DNAJC6: variants seen among roughly 807,000 people sequenced by gnomAD.
DNAJC6 encodes the protein DnaJ heat shock protein family (Hsp40) member C6.
DNAJC6 carries 34 observed loss-of-function variants against 110.0 expected under a neutral mutation model. That is an observed-to-expected ratio of 0.31 (90% CI 0.24 to 0.41). DNAJC6 has a LOEUF of 0.41. DNAJC6 is among the 10% of genes least tolerant of loss of function. The pLI, the probability that DNAJC6 is intolerant of heterozygous loss-of-function variation, is 1.00. For missense variants in DNAJC6, 1,031 were observed against 1,207.8 expected (o/e 0.85, Z 2.17); for synonymous variants, 406 against 437.2 (o/e 0.93, Z 0.89).
At chr1:65,286,699 C>G (rs1353585679) in intron 1 of DNAJC6, among the ~76,000 whole-genome samples, 1 of 152,126 alleles carries the variant, frequency 6.6e-6, no homozygotes, top group Non-Finnish European at 1.5e-5. Flanking sequence ...AATTTAAAAT[C>G]TTAAGTATAC....
chr1:65,405,845 CTTCT>C, intron 15 of DNAJC6, 21 bp from the exon 16 acceptor site: 1 of 1,562,418 alleles, frequency 6.4e-7, no homozygotes, highest in Non-Finnish European at 8.7e-7. Context: ...ATAGTTTTAC[CTTCT>C]TTATCTCTTT....
Position 65,395,041 on chromosome 1 carries a change from A to G in DNAJC6, c.2038+9A>G, listed in dbSNP as rs771024474. ...TTCGCCCACAGTACATGGTAAGGAA[A>G]TATTTTATATTGTGTTCAGTGGAAC... is the stretch of plus-strand genomic sequence containing the variant. On this transcript the variant is annotated intron_variant, in intron 13 of 18. Coordinates refer to ENST00000371069, the MANE Select transcript of DNAJC6 (RefSeq NM_001256864.2). 4 of 1,600,488 alleles carry G rather than the reference A, an allele frequency of 2.5e-6. No homozygotes were observed. The East Asian group carries it at 9.1e-5, about 36-fold the overall frequency.
At chr1:65,304,503 A>G (rs985240400) in intron 1 of DNAJC6, among the ~76,000 whole-genome samples, 1 of 152,218 alleles carries the variant, frequency 6.6e-6, no homozygotes, top group South Asian at 2.1e-4. Context: ...GTTTTCCCCT[A>G]TGGACATCAT....
chr1:65,385,878 T>G lies in DNAJC6; in HGVS notation c.967T>G (p.Ser323Ala). 2 of 1,611,042 alleles carry G rather than the reference T, an allele frequency of 1.2e-6. No individual in the cohort carries two copies. Among genetic ancestry groups the G allele is most frequent in the Non-Finnish European group, 1.7e-6 (2 of 1,177,720 alleles). ...DVLIGETKIY[S>A]TCTDFERMKE... is the part of the protein sequence containing the mutation. ...ACTCATTGGAGAAACCAAAATATAT[T>G]CGACTTGCACAGATTTTGAACGAAT... Residue 323 changes from serine to alanine, a missense_variant, in exon 7 of 19, where the codon TCG becomes GCG. Coordinates refer to ENST00000371069, the MANE Select transcript of DNAJC6 (RefSeq NM_001256864.2).
At chr1:65,387,936 G>C (rs1358946543) in intron 8 of DNAJC6, among the ~76,000 whole-genome samples, 1 of 152,166 alleles carries the variant, frequency 6.6e-6, no homozygotes, top group Non-Finnish European at 1.5e-5. Context: ...TTAGAGGGAG[G>C]ATGAGGTGTT....
chr1:65,352,625 A>G (rs554024584), intron 1 of DNAJC6, among the ~76,000 whole-genome samples: 1 of 152,222 alleles, frequency 6.6e-6, no homozygotes, highest in Admixed American at 6.5e-5. Flanking sequence ...TGTGTGTTGT[A>G]TGTAGCACAT....
At chr1:65,314,775 A>G (rs1279827488) in intron 1 of DNAJC6, among the ~76,000 whole-genome samples, 1 of 152,380 alleles carries the variant, frequency 6.6e-6, no homozygotes, top group African/African-American at 2.4e-5. Context: ...GGCGTGAGCC[A>G]CTGTGCCCAG....
chr1:65,356,029 C>A (rs1442518124), intron 1 of DNAJC6, among the ~76,000 whole-genome samples: 1 of 151,688 alleles, frequency 6.6e-6, no homozygotes, highest in Admixed American at 6.6e-5. Context: ...GACTATATAT[C>A]CAGCTAATAG....
intron 1 of DNAJC6, among the ~76,000 whole-genome samples, chr1:65,349,504 C>CTTATA (rs1645471083): frequency 6.6e-6 from 1 of 152,052 alleles, no homozygotes; most frequent in South Asian, 2.1e-4. Context: ...TCTTATAATG[C>CTTATA]AGGTCAATTA....
Position 65,296,635 on chromosome 1 carries a change from T to A in DNAJC6, c.-131+31703T>A, listed in dbSNP as rs558657656. ...CGGAGTCTAGCTCTGTCACTCAGGC[T>A]GGAGTGCAGTGGCGCGATCTTAGCT... On this transcript the variant is annotated intron_variant, in intron 1 of 19. Coordinates refer to the DNAJC6 transcript ENST00000263441. Among the ~76,000 whole-genome samples, 8 of 146,510 alleles carry A rather than the reference T, an allele frequency of 5.5e-5. No individual in the cohort carries two copies. In the East Asian group the frequency reaches 1.6e-3, roughly 30 times the overall value.
intron 1 of DNAJC6, among the ~76,000 whole-genome samples, chr1:65,325,225 T>G (rs1170403010): frequency 6.6e-6 from 1 of 152,176 alleles, no homozygotes; most frequent in Non-Finnish European, 1.5e-5. Flanking sequence ...CCTTCAAGCA[T>G]CTATTCATTC....
intron 4 of DNAJC6, among the ~76,000 whole-genome samples, chr1:65,371,313 C>T (rs1645703490): frequency 6.6e-6 from 1 of 152,142 alleles, no homozygotes; most frequent in Non-Finnish European, 1.5e-5. Context: ...GTCACTTTTA[C>T]CTCTCCTTGG....
Position 65,389,301 on chromosome 1 carries a change from A to G in DNAJC6, c.1239A>G (p.Leu413=), listed in dbSNP as rs778250210. ...ACDVPEKYPQ[L]FQVTLDVELQ... The stretch of plus-strand genomic sequence containing the variant: ...ATGTACCAGAAAAATATCCTCAGCT[A>G]TTTCAGGTGACACTGGATGTAGAAC... Residue 413 remains leucine, a synonymous_variant, in exon 10 of 19, where the codon CTA becomes CTG. Transcript: ENST00000371069. 1.2e-6 allele frequency: 2 copies of G among 1,614,034 alleles called. No homozygotes were observed. Among genetic ancestry groups the G allele is most frequent in the African/African-American group, 1.3e-5 (1 of 74,930 alleles).
intron 1 of DNAJC6, among the ~76,000 whole-genome samples, chr1:65,280,204 G>A (rs974515520): frequency 6.6e-6 from 1 of 152,162 alleles, no homozygotes; most frequent in Non-Finnish European, 1.5e-5. Context: ...AAAGCACAGA[G>A]AAAGCCTGTG....
intron 1 of DNAJC6, among the ~76,000 whole-genome samples, chr1:65,310,390 T>C (rs1335683116): frequency 2.0e-5 from 3 of 152,236 alleles, no homozygotes; most frequent in Non-Finnish European, 4.4e-5. Flanking sequence ...TTTATTCCAA[T>C]TGTTATTCTT....
At position 65,370,407 on chromosome 1, in the gene DNAJC6, G is replaced by A. The variant is rs944472601; in HGVS notation, c.543+4211G>A. On this transcript the variant is annotated intron_variant, in intron 4 of 18. Coordinates refer to ENST00000371069, the MANE Select transcript of DNAJC6 (RefSeq NM_001256864.2). The stretch of plus-strand genomic sequence containing the variant: ...TAAACACTGTTCCCATCCACTCCAT[G>A]CATATGTGTGTGTATGCGTGTATAC... Among the ~76,000 whole-genome samples, 3 of 152,188 alleles carry A rather than the reference G, an allele frequency of 2.0e-5. No homozygotes were observed. In the East Asian group the frequency reaches 5.8e-4, roughly 29 times the overall value.
chr1:65,285,885 G>A (rs577423479), intron 1 of DNAJC6, among the ~76,000 whole-genome samples: 1 of 152,096 alleles, frequency 6.6e-6, no homozygotes, highest in South Asian at 2.1e-4. Context: ...TTGGTAGGCT[G>A]GTCTTCAACT....
At chr1:65,294,342 C>A (rs1353646802) in intron 1 of DNAJC6, among the ~76,000 whole-genome samples, 4 of 151,984 alleles carry the variant, frequency 2.6e-5, no homozygotes, top group Non-Finnish European at 5.9e-5. Context: ...AAATAAGAAG[C>A]AGAAAATGTA....
intron 11 of DNAJC6, among the ~76,000 whole-genome samples, chr1:65,392,223 T>C (rs529521450): frequency 1.0e-3 from 159 of 152,308 alleles, no homozygotes; most frequent in African/African-American, 3.7e-3. Flanking sequence ...TCCTTACCCC[T>C]ATGCTCTACT....
Sources: allele counts gnomAD v4.1 joint callset (sites outside exome capture counted in the v4.1 genomes callset), GRCh38; gene constraint gnomAD v4.1.1; transcripts MANE v1.5; gene names NCBI Gene and HGNC (gene_info 2026-07-23, HGNC 2026-07-21).